Variants in VMP1 observed in about 807,000 individuals in gnomAD.
VMP1 encodes ectopic P-granules autophagy protein 3 homolog.
In VMP1, 11 loss-of-function variants were observed where a neutral mutation model predicts 56.0. The ratio of observed to expected loss-of-function variants is 0.20; its 90% CI spans 0.12 to 0.32. VMP1 has a LOEUF of 0.32. Among genes scored for constraint, VMP1 ranks in the 10% least tolerant of loss-of-function variants. VMP1 has a pLI of 1.00. For synonymous variants in VMP1, 149 were observed against 165.0 expected (o/e 0.90, Z 0.74); for missense variants, 296 against 490.3 (o/e 0.60, Z 3.74).
At chr17:59,802,407 G>A (rs1057362821) in intron 7 of VMP1, among the ~76,000 whole-genome samples, 3 of 151,434 alleles carry the variant, frequency 2.0e-5, no homozygotes, top group African/African-American at 4.9e-5. Context: ...ATGTTCACAC[G>A]ACAATGAAAT....
At chr17:59,716,771 T>A (rs2034168699) in intron 1 of VMP1, among the ~76,000 whole-genome samples, 1 of 134,390 alleles carries the variant, frequency 7.4e-6, no homozygotes, top group African/African-American at 2.5e-5. Flanking sequence ...ACTCTACCCT[T>A]GTGCTAGTTG....
In VMP1 at chr17:59,823,144, T is replaced by C. The variant is rs528094363; in HGVS notation, c.974+5371T>C. 3.9e-5 allele frequency among the ~76,000 whole-genome samples: 6 copies of C among 152,150 alleles called. No individual in the cohort carries two copies. In the South Asian group the frequency reaches 1.2e-3, roughly 32 times the overall value. On this transcript the variant is annotated intron_variant, in intron 10 of 11. Coordinates refer to ENST00000262291, the MANE Select transcript of VMP1 (RefSeq NM_030938.5). Reference sequence around the variant, plus strand: ...TCTCCTTTAATTGTTAGTTCTCTCCTTCACACTGTTAAAACCCTGAATGGG... The same window carrying C: ...TCTCCTTTAATTGTTAGTTCTCTCCCTCACACTGTTAAAACCCTGAATGGG...
intron 5 of VMP1, among the ~76,000 whole-genome samples, chr17:59,759,086 T>TCAA (rs887044223): frequency 3.3e-5 from 5 of 152,022 alleles, no homozygotes; most frequent in African/African-American, 1.2e-4. Flanking sequence ...AGACCCTGTC[T>TCAA]CAACAACAAC....
chr17:59,761,419 T>C (rs2036050368), intron 5 of VMP1, among the ~76,000 whole-genome samples: 1 of 152,246 alleles, frequency 6.6e-6, no homozygotes, highest in Non-Finnish European at 1.5e-5. Flanking sequence ...TTGTTGATTG[T>C]ATGGATTTTG....
intron 10 of VMP1, among the ~76,000 whole-genome samples, chr17:59,826,855 T>A (rs2038660688): frequency 2.0e-5 from 3 of 152,218 alleles, no homozygotes; most frequent in Admixed American, 2.0e-4. Context: ...TGGAAGCCAG[T>A]GAAGTCATTT....
intron 7 of VMP1, among the ~76,000 whole-genome samples, chr17:59,787,534 A>G (rs1357876022): frequency 6.6e-6 from 1 of 152,142 alleles, no homozygotes; most frequent in Non-Finnish European, 1.5e-5. Flanking sequence ...CTAAAAAATA[A>G]ATTTAGGCTG....
At chr17:59,711,281 C>CT (rs942078372) in intron 1 of VMP1, among the ~76,000 whole-genome samples, 18 of 150,552 alleles carry the variant, frequency 1.2e-4, no homozygotes, top group South Asian at 4.2e-4. Flanking sequence ...GTTGGGTACT[C>CT]TTTTTTTTTG....
chr17:59,828,787 G>A (rs543844925), intron 10 of VMP1, among the ~76,000 whole-genome samples: 2 of 152,316 alleles, frequency 1.3e-5, no homozygotes, highest in Admixed American at 1.3e-4. Flanking sequence ...GAATACATCA[G>A]TTACCAGTTT....
At chr17:59,712,994 AT>A (rs1462502478) in intron 1 of VMP1, among the ~76,000 whole-genome samples, 2 of 152,092 alleles carry the variant, frequency 1.3e-5, no homozygotes, top group Non-Finnish European at 2.9e-5. Context: ...TACCAAATAT[AT>A]TTGGTATAGG....
chr17:59,790,308 T>A (rs2037180321), intron 7 of VMP1, among the ~76,000 whole-genome samples: 2 of 152,206 alleles, frequency 1.3e-5, no homozygotes, highest in Non-Finnish European at 2.9e-5. Context: ...ATTCATTCAG[T>A]GCTCCCCTCA....
chr17:59,781,278 A>G (rs757415313), intron 7 of VMP1, among the ~76,000 whole-genome samples: 5 of 152,198 alleles, frequency 3.3e-5, no homozygotes, highest in Non-Finnish European at 5.9e-5. Context: ...TAATTATACA[A>G]GTAATTTTAG....
rs1275853934 is a variant in VMP1 at position 59,838,587 on chromosome 17, G to A, written c.1077+190G>A. On this transcript the variant is annotated intron_variant, in intron 11 of 11. Coordinates refer to ENST00000262291, the MANE Select transcript of VMP1 (RefSeq NM_030938.5). ...TCTTAGACTAGAAAGTGTAACTTCT[G>A]TACATCTTCTCCTAAAAACAAGGGT... The A allele has an allele frequency of 5.1e-6, 3 of 583,242 alleles. No homozygotes were observed. The African/African-American group carries it at 5.6e-5, about 11-fold the overall frequency. The allele number at this position is 583,242 out of a possible 1,614,324, so 36.1% of individuals were successfully genotyped here.
At chr17:59,838,541 C>A in intron 11 of VMP1, 144 bp downstream of exon 11, 1 of 737,848 alleles carries the variant, frequency 1.4e-6, no homozygotes, top group Non-Finnish European at 2.3e-6. Context: ...TGTGTATGCT[C>A]TACTGGGAAA....
chr17:59,812,322 G>C (rs543175205), intron 9 of VMP1, among the ~76,000 whole-genome samples: 1 of 152,264 alleles, frequency 6.6e-6, no homozygotes, highest in African/African-American at 2.4e-5. Context: ...GGGAAGAAGA[G>C]GGTCTCTGAA....
rs898571429 is a variant in VMP1, at chr17:59,811,563, C to T, written c.796-107C>T. 41 of 813,730 alleles carry T rather than the reference C, an allele frequency of 5.0e-5. No individual in the cohort carries two copies. In the African/African-American group the frequency reaches 7.0e-4, roughly 14 times the overall value. The allele number at this position is 813,730 out of a possible 1,614,324, so 50.4% of individuals were successfully genotyped here. A position where few individuals can be genotyped will look rare whatever the true frequency, so the allele number is the denominator to read the frequency against. Reference sequence around the variant, plus strand: ...TAGTGATCAAGGAACCCATATATTGCTTTGCAGTGTAAGCAGGCTGAAAGC... The same window carrying T: ...TAGTGATCAAGGAACCCATATATTGTTTTGCAGTGTAAGCAGGCTGAAAGC... On this transcript the variant is annotated intron_variant, in intron 8 of 11. Transcript: ENST00000262291.
At chr17:59,834,998 G>A (rs1209652487) in intron 10 of VMP1, among the ~76,000 whole-genome samples, 1 of 150,578 alleles carries the variant, frequency 6.6e-6, no homozygotes, top group African/African-American at 2.4e-5. Context: ...GACCTCAGGT[G>A]ATCCACCTGC....
At chr17:59,794,552 A>G (rs1394168472) in intron 7 of VMP1, among the ~76,000 whole-genome samples, 2 of 118,644 alleles carry the variant, frequency 1.7e-5, no homozygotes, top group Non-Finnish European at 3.5e-5. Flanking sequence ...TTTTTTTTTT[A>G]ACGAAAATCT....
At chr17:59,782,187 G>C (rs952058726) in intron 7 of VMP1, among the ~76,000 whole-genome samples, 1 of 152,126 alleles carries the variant, frequency 6.6e-6, no homozygotes, top group African/African-American at 2.4e-5. Flanking sequence ...GGAATTACAG[G>C]CATGAGCCAC....
At chr17:59,777,296 C>T (rs758407812) in intron 7 of VMP1, among the ~76,000 whole-genome samples, 1 of 152,120 alleles carries the variant, frequency 6.6e-6, no homozygotes, top group Non-Finnish European at 1.5e-5. Context: ...TCTAAACTAG[C>T]ATGTTCTTCA....
Sources: gnomAD v4.1 joint callset for allele counts (sites outside exome capture counted in the v4.1 genomes callset) on GRCh38, gnomAD v4.1.1 for gene constraint, MANE v1.5 for transcripts, NCBI Gene and HGNC (gene_info 2026-07-23, HGNC 2026-07-21) for gene names.